FSIP2: variants seen among roughly 807,000 people sequenced by gnomAD.
The protein encoded by FSIP2 is fibrous sheath-interacting protein 2.
In FSIP2, 367 loss-of-function variants were observed where a neutral mutation model predicts 510.5. The ratio of observed to expected loss-of-function variants is 0.72; its 90% CI spans 0.66 to 0.78. The LOEUF is 0.78. FSIP2 is among the 30% of genes least tolerant of loss of function. The pLI is 0.00. For missense variants in FSIP2, 7,594 were observed against 7,901.7 expected, an observed-to-expected ratio of 0.96 and a Z score of 1.48; for synonymous variants, 2,601 against 2,732.2, an observed-to-expected ratio of 0.95 and a Z score of 1.50.
In FSIP2 at chr2:185,806,414, T is replaced by G; in HGVS notation, c.17108T>G (p.Leu5703Arg). Reference protein sequence around the residue: ...SSPEPAYYSKLSYDQSPPGDN... With the variant: ...SSPEPAYYSKRSYDQSPPGDN... ...CCAGAACCAGCATATTATTCGAAAC[T>G]CAGTTATGACCAAAGCCCCCCAGGT... is the stretch of plus-strand genomic sequence containing the variant. Residue 5703 changes from leucine to arginine, a missense_variant, in exon 17 of 23, where the codon CTC (leucine) becomes CGC (arginine). By Grantham distance (102) the Leu-to-Arg change is moderately radical. Transcript: ENST00000424728. The G allele has an allele frequency of 6.2e-7, 1 of 1,612,030 alleles. No individual in the cohort carries two copies. Among genetic ancestry groups the G allele is most frequent in the Non-Finnish European group, 8.5e-7 (1 of 1,178,704 alleles).
rs1218883375 is a variant in FSIP2, at chr2:185,813,698, C to T, written c.19981C>T (p.Arg6661Ter). The T allele has an allele frequency of 1.2e-5, 20 of 1,609,046 alleles. No homozygotes were observed. In the East Asian group the frequency reaches 1.3e-4, roughly 11 times the overall value. ...TTTGGAAAATTACATAAAAGAGGAA[C>T]GAGATTCTGATGAAGATGAAGTTGT... The part of the protein sequence containing the change: ...VYLENYIKEE[R>*]DSDEDEVVLT... Residue 6661 changes from arginine (R) to a stop codon, truncating the protein, a stop_gained, in exon 18 of 23, where the codon CGA becomes TGA. Coordinates refer to ENST00000424728, the MANE Select transcript of FSIP2 (RefSeq NM_173651.4). LOFTEE classifies it high-confidence loss of function.
At position 185,793,449 on chromosome 2, in the gene FSIP2, A is replaced by G. The variant is rs770864538; in HGVS notation, c.6313A>G (p.Thr2105Ala). 1.3e-6 allele frequency: 2 copies of G among 1,534,054 alleles called. No individual in the cohort carries two copies. Among genetic ancestry groups the G allele is most frequent in the Non-Finnish European group, 1.7e-6 (2 of 1,145,614 alleles). The change falls in exon 16 of 23, where the codon ACC becomes GCC. Residue 2105 changes from threonine to alanine, a missense_variant. Thr to Ala is a moderately conservative substitution (Grantham distance 58). Coordinates refer to ENST00000424728, the MANE Select transcript of FSIP2 (RefSeq NM_173651.4). ...TATCCTATGTGATATTTATGAAAAA[A>G]CCCTGTTTCAGAATAATCTCTCATT... The part of the protein sequence containing the change: ...EGILCDIYEK[T>A]LFQNNLSFAT...
intron 13 of FSIP2, among the ~76,000 whole-genome samples, chr2:185,771,101 T>C (rs1470573354): frequency 6.6e-6 from 1 of 152,188 alleles, no homozygotes; most frequent in Non-Finnish European, 1.5e-5. Context: ...CACTGTGGCT[T>C]TTCAGGGTGG....
intron 18 of FSIP2, among the ~76,000 whole-genome samples, chr2:185,815,150 A>G (rs1384248979): frequency 2.0e-5 from 3 of 152,040 alleles, no homozygotes; most frequent in African/African-American, 7.2e-5. Context: ...AATTTGTTCA[A>G]AATCTAATGT....
chr2:185,750,073 A>C (rs1401568067), intron 7 of FSIP2, among the ~76,000 whole-genome samples: 3 of 151,622 alleles, frequency 2.0e-5, no homozygotes, highest in African/African-American at 7.3e-5. Flanking sequence ...ATTTGCCAAC[A>C]TTTTGTTTAG....
intron 13 of FSIP2, among the ~76,000 whole-genome samples, chr2:185,774,664 C>T (rs565634437): frequency 6.9e-6 from 1 of 145,596 alleles, no homozygotes; most frequent in African/African-American, 2.6e-5. Flanking sequence ...ATGTGCCATG[C>T]TGGTGTGCTG....
At chr2:185,771,360 C>G (rs1372269837) in intron 13 of FSIP2, among the ~76,000 whole-genome samples, 2 of 152,230 alleles carry the variant, frequency 1.3e-5, no homozygotes, top group Non-Finnish European at 2.9e-5. Flanking sequence ...GCCTGGACAT[C>G]CTGCCTTTCT....
chr2:185,826,559 G>T (rs1459650652), intron 20 of FSIP2, among the ~76,000 whole-genome samples: 1 of 151,694 alleles, frequency 6.6e-6, no homozygotes, highest in Non-Finnish European at 1.5e-5. Context: ...TTCTGATCAG[G>T]ACGCTACCTA....
In FSIP2 at chr2:185,789,014, TA is replaced by T. The variant is rs1156821501; in HGVS notation, c.1881del (p.Lys627AsnfsTer24). ...IKGQSIISKH[K>X]YNKTNLLYSY... is the part of the protein sequence containing the mutation. ...AAGGACAATCTATAATCTCTAAACA[TA>T]AATATAATAAAACCAACTTGCTATA... On this transcript the variant is annotated frameshift_variant, in exon 16 of 23. Coordinates refer to ENST00000424728, the MANE Select transcript of FSIP2 (RefSeq NM_173651.4). LOFTEE classifies it high-confidence loss of function. The T allele has an allele frequency of 6.5e-7, 1 of 1,533,982 alleles. No individual in the cohort carries two copies. The highest frequency in any genetic ancestry group is 1.2e-5 in the South Asian group (1 of 84,000).
At chr2:185,741,767 C>T (rs556857604) in intron 2 of FSIP2, among the ~76,000 whole-genome samples, 1 of 152,308 alleles carries the variant, frequency 6.6e-6, no homozygotes, top group East Asian at 1.9e-4. Flanking sequence ...AGGTCAGAAA[C>T]TTAAAGAAGC....
intron 11 of FSIP2, among the ~76,000 whole-genome samples, chr2:185,762,317 A>G (rs1294508927): frequency 6.6e-6 from 1 of 151,210 alleles, no homozygotes; most frequent in Non-Finnish European, 1.5e-5. Context: ...AATACAAAGA[A>G]CTATCCCCAA....
At position 185,800,797 on chromosome 2, in the gene FSIP2, C is replaced by G. The variant is rs1234340445; in HGVS notation, c.11491C>G (p.Gln3831Glu). The change falls in exon 17 of 23, where the codon CAA becomes GAA. Residue 3831 changes from glutamine (Q) to glutamate (E), a missense_variant. Transcript: ENST00000424728. ...DLLENVAEID[Q>E]DLLTSDSMLT... ...TTTGGAGAATGTGGCAGAAATTGAT[C>G]AAGACTTATTGACATCAGACTCTAT... 6.5e-7 allele frequency: 1 copy of G among 1,534,138 alleles called. No homozygotes were observed. The highest frequency in any genetic ancestry group is 2.0e-5 in the Admixed American group (1 of 50,832).
rs985297950 is a variant in FSIP2, at chr2:185,766,822, A to G, written c.1411+2257A>G. Among the ~76,000 whole-genome samples, 47 of 137,568 alleles carry G rather than the reference A, an allele frequency of 3.4e-4. No homozygotes were observed. The Admixed American group carries it at 3.4e-3, about 10-fold the overall frequency. The allele number at this position is 137,568 out of a possible 152,430, so 90.2% of individuals were successfully genotyped here. ...ACCCAGCCATCCCATTACTGGGTAT[A>G]TACCCAAAGGACTATAAATCATGCT... On this transcript the variant is annotated intron_variant, in intron 13 of 22. Coordinates refer to ENST00000424728, the MANE Select transcript of FSIP2 (RefSeq NM_173651.4).
At chr2:185,820,957 A>G (rs919357160) in intron 19 of FSIP2, among the ~76,000 whole-genome samples, 3 of 150,344 alleles carry the variant, frequency 2.0e-5, no homozygotes, top group African/African-American at 7.3e-5. Context: ...CCAGGAATAA[A>G]ATAGAGAATA....
In FSIP2 at chr2:185,800,674, C is replaced by G; in HGVS notation, c.11368C>G (p.Leu3790Val). The change falls in exon 17 of 23, where the codon CTT (leucine) becomes GTT (valine). Residue 3790 changes from leucine to valine, a missense_variant. By Grantham distance (32) the Leu-to-Val change is conservative. Transcript: ENST00000424728. Reference sequence around the variant, plus strand: ...GGAAACATCAGCAGAAGAATGTCAACTTTTAAAAATGCTTCAAAGTGTAGA... The same window carrying G: ...GGAAACATCAGCAGAAGAATGTCAAGTTTTAAAAATGCTTCAAAGTGTAGA... ...SEETSAEECQLLKMLQSVEDG... is the reference protein window; with the variant it reads ...SEETSAEECQVLKMLQSVEDG... The G allele has an allele frequency of 6.5e-7, 1 of 1,534,056 alleles. No homozygotes were observed. The highest frequency in any genetic ancestry group is 8.7e-7 in the Non-Finnish European group (1 of 1,145,568).
chr2:185,761,131 G>A, intron 10 of FSIP2, 28 bp downstream of exon 10: 1 of 906,772 alleles, frequency 1.1e-6, no homozygotes, highest in Non-Finnish European at 1.6e-6. Context: ...AAAGTTTTGT[G>A]TTGTATTTAT....
intron 2 of FSIP2, 115 bp from the exon 3 acceptor site, chr2:185,743,018 C>A: frequency 1.3e-6 from 1 of 783,100 alleles, no homozygotes; most frequent in Non-Finnish European, 1.9e-6. Flanking sequence ...GCTGTTTTTC[C>A]CCATTTCAGA....
At chr2:185,771,852 T>G (rs1692613981) in intron 13 of FSIP2, among the ~76,000 whole-genome samples, 1 of 152,182 alleles carries the variant, frequency 6.6e-6, no homozygotes, top group Non-Finnish European at 1.5e-5. Flanking sequence ...ACACTTTGCT[T>G]CCCTTTTAAA....
chr2:185,769,948 A>G (rs1692573009), intron 13 of FSIP2, among the ~76,000 whole-genome samples: 2 of 152,048 alleles, frequency 1.3e-5, no homozygotes, highest in African/African-American at 4.8e-5. Flanking sequence ...TTTTGTACCA[A>G]TACCATGCTG....
Sources: allele counts gnomAD v4.1 joint callset (sites outside exome capture counted in the v4.1 genomes callset), GRCh38; gene constraint gnomAD v4.1.1; transcripts MANE v1.5; gene names NCBI Gene and HGNC (gene_info 2026-07-23, HGNC 2026-07-21).